MZT2A: variants seen among roughly 807,000 people sequenced by gnomAD.
The protein encoded by MZT2A is mitotic spindle organizing protein 2A.
In MZT2A, 8 loss-of-function variants were observed where a neutral mutation model predicts 12.4. That is an observed-to-expected ratio of 0.64 (90% confidence interval 0.38 to 1.16). The LOEUF (loss-of-function observed/expected upper bound fraction) is 1.16, where lower values mean the gene tolerates loss of function less well. Ranked by LOEUF, MZT2A falls within the 50% of genes most tolerant of loss-of-function variation. The probability of loss-of-function intolerance (pLI) is 0.01; values close to 1 mark genes in which losing one functional copy is unlikely to be tolerated. For missense variants in MZT2A, 181 were observed against 223.6 expected, an observed-to-expected ratio of 0.81 and a Z score of 1.22; for synonymous variants, 88 against 107.5, an observed-to-expected ratio of 0.82 and a Z score of 1.12.
intron 2 of MZT2A, among the ~76,000 whole-genome samples, chr2:131,488,542 T>A (rs1396031430): frequency 6.9e-6 from 1 of 145,210 alleles, no homozygotes; most frequent in Non-Finnish European, 1.5e-5. Flanking sequence ...CCCCCCGGAT[T>A]ACTCCGACAA....
intron 2 of MZT2A, among the ~76,000 whole-genome samples, chr2:131,472,352 C>T (rs1287315612): frequency 6.6e-6 from 1 of 152,190 alleles, no homozygotes; most frequent in African/African-American, 2.4e-5. Flanking sequence ...GGGCCAGAAA[C>T]ACTGTTTACT....
rs889126602 is a variant in MZT2A at position 131,491,860 on chromosome 2, C to G, written c.319+16G>C. 4.2e-6 allele frequency: 6 copies of G among 1,439,206 alleles called. No homozygotes were observed. Among genetic ancestry groups the G allele is most frequent in the Admixed American group, 4.6e-5 (2 of 43,880 alleles). 89.2% of individuals were successfully genotyped at this position (1,439,206 alleles called of 1,614,324 possible). A position where few individuals can be genotyped will look rare whatever the true frequency, so the allele number is the denominator to read the frequency against. The stretch of plus-strand genomic sequence containing the variant: ...ACCCCCGCCACTGGGGCAGGGACAG[C>G]GGGCCCAGCTCTGACCTCGGGTCTC... On this transcript the variant is annotated intron_variant, in intron 2 of 2. Transcript: ENST00000309451.
At chr2:131,488,186 C>T (rs1679131628) in intron 2 of MZT2A, among the ~76,000 whole-genome samples, 3 of 152,316 alleles carry the variant, frequency 2.0e-5, no homozygotes, top group Middle Eastern at 3.4e-3. Flanking sequence ...ACACTCCAAA[C>T]GTCATCTTAC....
chr2:131,473,282 C>T (rs994554820), intron 2 of MZT2A, among the ~76,000 whole-genome samples: 2 of 152,084 alleles, frequency 1.3e-5, no homozygotes, highest in Non-Finnish European at 2.9e-5. Flanking sequence ...CTGATTTTCC[C>T]GGCTGTCTGC....
At chr2:131,489,815 C>T (rs539616652) in intron 2 of MZT2A, 2 of 938,298 alleles carry the variant, frequency 2.1e-6, no homozygotes, top group African/African-American at 1.8e-5. Context: ...ACTGGTCTCA[C>T]TGGTGGTTTT....
chr2:131,492,850 T>C, upstream of MZT2A: 1 of 1,481,862 alleles, frequency 6.7e-7, no homozygotes, highest in Non-Finnish European at 9.0e-7. Flanking sequence ...AGGGAGAAAG[T>C]GCGTGAGCCC....
upstream of MZT2A, chr2:131,493,100 G>A (rs1294071518): frequency 1.5e-5 from 22 of 1,493,884 alleles, no homozygotes; most frequent in Non-Finnish European, 7.2e-6. Context: ...GCGGAATGGC[G>A]GCTTCCACCT....
intron 2 of MZT2A, chr2:131,476,033 C>A (rs7571932): frequency 3.0e-5 from 39 of 1,300,960 alleles, no homozygotes; most frequent in Non-Finnish European, 4.1e-5. Flanking sequence ...GAACTGGGAT[C>A]CGGCCCTCAG....
At chr2:131,479,312 A>T, downstream of MZT2A, 1 of 1,613,708 alleles carries the variant, frequency 6.2e-7, no homozygotes, top group Non-Finnish European at 8.5e-7. Flanking sequence ...TTGCAGATGA[A>T]GTGCGCACAG....
At chr2:131,478,935 G>A (rs1047891299) in intron 2 of MZT2A, among the ~76,000 whole-genome samples, 1 of 152,206 alleles carries the variant, frequency 6.6e-6, no homozygotes, top group Admixed American at 6.5e-5. Context: ...GGACTGCCCT[G>A]CAGAAGTCAC....
intron 2 of MZT2A, chr2:131,476,226 C>A (rs1486814925): frequency 3.1e-6 from 5 of 1,613,898 alleles, no homozygotes; most frequent in Middle Eastern, 1.7e-4. Flanking sequence ...CACTCCCGCC[C>A]CGCAGATGCC....
At chr2:131,492,863 C>A (rs1238887597), upstream of MZT2A, 3 of 1,493,614 alleles carry the variant, frequency 2.0e-6, 1 homozygote, top group Non-Finnish European at 2.7e-6. Context: ...GTGAGCCCTA[C>A]CTTGGGGCGC....
intron 2 of MZT2A, among the ~76,000 whole-genome samples, chr2:131,486,869 T>C (rs116013437): frequency 4.4e-4 from 67 of 152,188 alleles, no homozygotes; most frequent in Admixed American, 9.2e-4. Context: ...ATAACTGATA[T>C]TAAGAAAATC....
chr2:131,478,641 C>T lies in MZT2A; in HGVS notation c.279-6459G>A, dbSNP rs557877286. Reference sequence around the variant, plus strand: ...AAGATGGGCTGTGAAGAGATTCCCTCGTGCGTGCCTCAGCCCTGCTCAGGT... The same window carrying T: ...AAGATGGGCTGTGAAGAGATTCCCTTGTGCGTGCCTCAGCCCTGCTCAGGT... On this transcript the variant is annotated intron_variant and NMD_transcript_variant, in intron 2 of 4. Coordinates refer to the MZT2A transcript ENST00000427024. 3.6e-5 allele frequency: 25 copies of T among 699,856 alleles called. No homozygotes were observed. The African/African-American group carries it at 3.6e-4, about 10-fold the overall frequency. 43.4% of individuals were successfully genotyped at this position (699,856 alleles called of 1,614,324 possible). A position where few individuals can be genotyped will look rare whatever the true frequency, so the allele number is the denominator to read the frequency against.
At chr2:131,478,072 G>A (rs2695520) in intron 2 of MZT2A, 5 of 1,509,154 alleles carry the variant, frequency 3.3e-6, no homozygotes. Context: ...TACTGAAGCA[G>A]TATATAAATA....
chr2:131,482,726 G>A (rs771254070), downstream of MZT2A: 4 of 1,614,078 alleles, frequency 2.5e-6, no homozygotes, highest in East Asian at 2.2e-5. Context: ...GTACGTGGGC[G>A]AAGGCATGGA....
intron 2 of MZT2A, chr2:131,476,083 C>T (rs1161485853): frequency 1.3e-6 from 2 of 1,533,062 alleles, no homozygotes; most frequent in Non-Finnish European, 1.8e-6. Context: ...CGGCCTGGCA[C>T]CGGCGGGCCA....
chr2:131,492,783 G>GT (rs1194109877), upstream of MZT2A: 12 of 1,342,250 alleles, frequency 8.9e-6, no homozygotes, highest in South Asian at 1.1e-4. Flanking sequence ...TCGCTCTTCG[G>GT]GGGGGGTGGG....
At chr2:131,474,444 C>CTA (rs1166715917) in intron 2 of MZT2A, among the ~76,000 whole-genome samples, 5 of 103,740 alleles carry the variant, frequency 4.8e-5, no homozygotes, top group African/African-American at 1.7e-4. Flanking sequence ...GAGTTTCACT[C>CTA]TATTGCCCAG....
Sources: gnomAD v4.1 joint callset for allele counts (sites outside exome capture counted in the v4.1 genomes callset) on GRCh38, gnomAD v4.1.1 for gene constraint, MANE v1.5 for transcripts, NCBI Gene and HGNC (gene_info 2026-07-23, HGNC 2026-07-21) for gene names.